Variants in PTPRT observed in about 807,000 individuals in gnomAD.
PTPRT encodes protein tyrosine phosphatase receptor type T.
A neutral mutation model predicts 176.8 loss-of-function variants in PTPRT; 56 were observed. The ratio of observed to expected loss-of-function variants is 0.32; its 90% confidence interval spans 0.26 to 0.40. The LOEUF (loss-of-function observed/expected upper bound fraction) is 0.40. Among genes scored for constraint, PTPRT ranks in the 10% least tolerant of loss-of-function variants. The probability of loss-of-function intolerance (pLI) is 1.00; values close to 1 mark genes in which losing one functional copy is unlikely to be tolerated. For synonymous variants in PTPRT, 783 were observed against 739.0 expected (o/e 1.06, Z -0.96); for missense variants, 1,540 against 1,908.2 (o/e 0.81, Z 3.60).
At position 42,873,582 on chromosome 20, in the gene PTPRT, T is replaced by TAG. The variant is rs771233855; in HGVS notation, c.214+12224_214+12225insCT. 3.0e-3 allele frequency among the ~76,000 whole-genome samples: 451 copies of TAG among 152,320 alleles called. 2 individuals are homozygous for TAG. The highest frequency in any genetic ancestry group is 5.0e-3 in the Non-Finnish European group (343 of 68,030). Reference sequence around the variant, plus strand: ...TTTAAAAAGGTAAAAAAGAAATGGGTTACTTTTAATAATTTATCTAACCCA... The same window carrying TAG: ...TTTAAAAAGGTAAAAAAGAAATGGGTAGTACTTTTAATAATTTATCTAACCCA... On this transcript the variant is annotated intron_variant, in intron 2 of 30. Coordinates refer to ENST00000373187, the MANE Select transcript of PTPRT (RefSeq NM_007050.6).
intron 1 of PTPRT, among the ~76,000 whole-genome samples, chr20:43,162,869 G>GC (rs1462840961): frequency 6.6e-6 from 1 of 152,204 alleles, no homozygotes; most frequent in East Asian, 1.9e-4. Flanking sequence ...CCTGGCTCCA[G>GC]CCAAGTGAGG....
chr20:42,397,292 T>C lies in PTPRT; in HGVS notation c.1561-45007A>G, dbSNP rs371983235. On this transcript the variant is annotated intron_variant, in intron 9 of 30. Transcript: ENST00000373187. ...TAGGAAAGCCAATAGTTACTGGATA[T>C]GTAATTTTTTTGTCAACTTTTATTT... 5.9e-5 allele frequency among the ~76,000 whole-genome samples: 9 copies of C among 152,360 alleles called. No individual in the cohort carries two copies. In the South Asian group the frequency reaches 1.2e-3, roughly 21 times the overall value.
intron 3 of PTPRT, among the ~76,000 whole-genome samples, chr20:42,785,503 T>A (rs2077276122): frequency 2.0e-5 from 3 of 152,196 alleles, no homozygotes; most frequent in Admixed American, 2.0e-4. Context: ...GCCACTGTAC[T>A]TATGTGTATA....
intron 12 of PTPRT, among the ~76,000 whole-genome samples, chr20:42,299,752 A>G (rs563278566): frequency 8.1e-5 from 12 of 148,008 alleles, no homozygotes; most frequent in African/African-American, 3.0e-4. Context: ...GTTTCAAGCG[A>G]TTCTCCTGCC....
chr20:42,217,908 A>G (rs2055811049), intron 15 of PTPRT, among the ~76,000 whole-genome samples: 1 of 152,218 alleles, frequency 6.6e-6, no homozygotes, highest in Admixed American at 6.5e-5. Flanking sequence ...GATTTTCACA[A>G]CACTAACAAG....
chr20:42,313,291 C>T (rs2057664395), intron 12 of PTPRT, among the ~76,000 whole-genome samples: 1 of 152,178 alleles, frequency 6.6e-6, no homozygotes, highest in African/African-American at 2.4e-5. Flanking sequence ...CAGGGATGCT[C>T]TGTCTATGAA....
intron 13 of PTPRT, among the ~76,000 whole-genome samples, chr20:42,264,638 G>C (rs2056808619): frequency 6.6e-6 from 1 of 152,182 alleles, no homozygotes. Context: ...ACTGGTCAAG[G>C]GGAACTAGAG....
At chr20:42,305,704 C>T (rs2057537346) in intron 12 of PTPRT, among the ~76,000 whole-genome samples, 1 of 152,142 alleles carries the variant, frequency 6.6e-6, no homozygotes, top group African/African-American at 2.4e-5. Flanking sequence ...CTACCATTTA[C>T]TTGTTACAAA....
At chr20:42,514,430 CT>C (rs59190177) in intron 7 of PTPRT, among the ~76,000 whole-genome samples, 14,752 of 152,066 alleles carry the variant, frequency 0.097, 1,124 homozygotes, top group Admixed American at 0.23. Flanking sequence ...TTTGTTCACG[CT>C]TTTCTTTTCT....
chr20:42,457,519 AT>A (rs1422463131), intron 8 of PTPRT, among the ~76,000 whole-genome samples: 1 of 152,198 alleles, frequency 6.6e-6, no homozygotes, highest in Non-Finnish European at 1.5e-5. Flanking sequence ...ACCTTTCCGC[AT>A]GCAACCTCAT....
intron 1 of PTPRT, among the ~76,000 whole-genome samples, chr20:42,933,013 T>G (rs1243914398): frequency 6.6e-6 from 1 of 152,142 alleles, no homozygotes. Flanking sequence ...CTGACCAAGC[T>G]TGCCCTATTT....
At chr20:42,779,651 AGATGGGTATGGAG>A (rs1483033617) in intron 4 of PTPRT, among the ~76,000 whole-genome samples, 1 of 152,244 alleles carries the variant, frequency 6.6e-6, no homozygotes, top group Non-Finnish European at 1.5e-5. Context: ...GCAAAGAAGT[AGATGGGTATGGAG>A]GAGTGCCACG....
At chr20:42,917,600 T>C (rs1008361917) in intron 1 of PTPRT, among the ~76,000 whole-genome samples, 1 of 152,124 alleles carries the variant, frequency 6.6e-6, no homozygotes. Context: ...ATGAGCATTG[T>C]TATCAAAGGA....
rs992197368 is a variant in PTPRT, at chr20:42,099,032, C to A, written c.3715-480G>T. ...GGAGTGAGGGGCTGAGTTGCCCTGG[C>A]AAGGTGGGCACTGTGTCATGTGAGT... On this transcript the variant is annotated intron_variant, in intron 26 of 30. Coordinates refer to ENST00000373187, the MANE Select transcript of PTPRT (RefSeq NM_007050.6). 3.3e-4 allele frequency among the ~76,000 whole-genome samples: 50 copies of A among 152,212 alleles called. 2 individuals are homozygous for A.
intron 7 of PTPRT, among the ~76,000 whole-genome samples, chr20:42,500,100 A>G (rs2071726030): frequency 6.6e-6 from 1 of 152,060 alleles, no homozygotes; most frequent in Non-Finnish European, 1.5e-5. Context: ...TATTTAGCAT[A>G]AATTTTATAA....
At chr20:42,754,436 A>T (rs2076802186) in intron 6 of PTPRT, among the ~76,000 whole-genome samples, 1 of 149,072 alleles carries the variant, frequency 6.7e-6, no homozygotes, top group South Asian at 2.1e-4. Context: ...ATGCCACCAC[A>T]CCCAGCTATT....
chr20:42,865,033 C>G (rs989739104), intron 2 of PTPRT, among the ~76,000 whole-genome samples: 6 of 152,218 alleles, frequency 3.9e-5, no homozygotes, highest in African/African-American at 1.4e-4. Flanking sequence ...TCTGGCCTGC[C>G]AGGCCCCATC....
rs754163168 is a variant in PTPRT, at chr20:42,315,859, A to C, written c.2003T>G (p.Leu668Trp). The C allele has an allele frequency of 1.2e-6, 2 of 1,614,186 alleles. No individual in the cohort carries two copies. The highest frequency in any genetic ancestry group is 8.5e-7 in the Non-Finnish European group (1 of 1,180,040). The change falls in exon 12 of 31, where the codon TTG becomes TGG. Residue 668 changes from leucine to tryptophan, a missense_variant. By Grantham distance (61) the Leu-to-Trp change is moderately conservative. Coordinates refer to ENST00000373187, the MANE Select transcript of PTPRT (RefSeq NM_007050.6). ...GGTGACAGGCAGGTTGGCAGGCTTC[A>C]ACTCAGCAGCAAAGTAGTGTAGAGA... is the stretch of plus-strand genomic sequence containing the variant. ...LDSLHYFAAELKPANLPVTQP... is the reference protein window; with the variant it reads ...LDSLHYFAAEWKPANLPVTQP...
At chr20:42,556,718 C>T (rs1313182276) in intron 7 of PTPRT, among the ~76,000 whole-genome samples, 1 of 152,136 alleles carries the variant, frequency 6.6e-6, no homozygotes, top group Non-Finnish European at 1.5e-5. Context: ...TTGTGACTTT[C>T]TATGAGGATG....
Sources: allele counts gnomAD v4.1 joint callset (sites outside exome capture counted in the v4.1 genomes callset), GRCh38; gene constraint gnomAD v4.1.1; transcripts MANE v1.5; gene names NCBI Gene and HGNC (gene_info 2026-07-23, HGNC 2026-07-21).